Variants in TACR1 observed in about 807,000 individuals in gnomAD.
TACR1 encodes tachykinin receptor 1, also known as substance-P receptor.
Under a neutral mutation model 35.8 loss-of-function variants are expected in TACR1, and 25 were observed. The ratio of observed to expected loss-of-function variants is 0.70; its 90% CI spans 0.51 to 0.98. The LOEUF (loss-of-function observed/expected upper bound fraction) is 0.98. Ranked by LOEUF, TACR1 falls within the 50% of genes least tolerant of loss-of-function variation. The probability of loss-of-function intolerance (pLI) is 0.00; values close to 1 mark genes in which losing one functional copy is unlikely to be tolerated. For missense variants in TACR1, 478 were observed against 522.9 expected, an observed-to-expected ratio of 0.91 and a Z score of 0.84; for synonymous variants, 195 against 206.7, an observed-to-expected ratio of 0.94 and a Z score of 0.48.
At chr2:75,157,000 C>T (rs1548976) in intron 1 of TACR1, among the ~76,000 whole-genome samples, 75,929 of 151,940 alleles carry the variant, frequency 0.5, 20,403 homozygotes, top group Admixed American at 0.68. Context: ...AGATGGGAGT[C>T]GGGGCTGGGT....
intron 1 of TACR1, among the ~76,000 whole-genome samples, chr2:75,141,835 T>C (rs1674414196): frequency 6.6e-6 from 1 of 152,198 alleles, no homozygotes; most frequent in Non-Finnish European, 1.5e-5. Flanking sequence ...GACTGGGCTT[T>C]AGTAGACTCT....
intron 2 of TACR1, among the ~76,000 whole-genome samples, chr2:75,108,977 C>G (rs926641603): frequency 6.6e-6 from 1 of 152,126 alleles, no homozygotes; most frequent in African/African-American, 2.4e-5. Context: ...CAGGAGGTCA[C>G]CCACTGGCCA....
intron 2 of TACR1, among the ~76,000 whole-genome samples, chr2:75,086,782 A>G (rs1673196591): frequency 6.6e-6 from 1 of 152,148 alleles, no homozygotes; most frequent in Non-Finnish European, 1.5e-5. Context: ...AAGAGAGAGA[A>G]TGTTTAATTC....
intron 1 of TACR1, among the ~76,000 whole-genome samples, chr2:75,174,648 C>A (rs1675370361): frequency 1.3e-5 from 2 of 152,174 alleles, no homozygotes; most frequent in Non-Finnish European, 2.9e-5. Context: ...ATTGTAATAG[C>A]AAATGGTTGC....
At chr2:75,155,498 C>G (rs1406979478) in intron 1 of TACR1, among the ~76,000 whole-genome samples, 2 of 151,906 alleles carry the variant, frequency 1.3e-5, no homozygotes, top group Non-Finnish European at 2.9e-5. Context: ...TCAACCCCCA[C>G]CTGAGTATCA....
intron 1 of TACR1, among the ~76,000 whole-genome samples, chr2:75,139,852 G>A (rs1223349351): frequency 6.6e-6 from 1 of 152,180 alleles, no homozygotes; most frequent in East Asian, 1.9e-4. Flanking sequence ...GGCGTGAGAG[G>A]AGCACTGGAA....
At chr2:75,131,206 A>C (rs1308339033) in intron 1 of TACR1, among the ~76,000 whole-genome samples, 1 of 151,698 alleles carries the variant, frequency 6.6e-6, no homozygotes, top group East Asian at 1.9e-4. Context: ...CTCCTGTCTC[A>C]GCCTCTCGAG....
chr2:75,047,624 G>A lies in TACR1; in HGVS notation c.*1808C>T, dbSNP rs1198389989. 6.6e-6 allele frequency: 1 copy of A among 152,128 alleles called. No individual in the cohort carries two copies. Among genetic ancestry groups the A allele is most frequent in the African/African-American group, 2.4e-5 (1 of 41,434 alleles). The allele number at this position is 152,128 out of a possible 1,614,324, so 9.4% of individuals were successfully genotyped here. A position where few individuals can be genotyped will look rare whatever the true frequency, so the allele number is the denominator to read the frequency against. On this transcript the variant is annotated 3_prime_UTR_variant, in exon 5 of 5. Coordinates refer to ENST00000305249, the MANE Select transcript of TACR1 (RefSeq NM_001058.4). Reference sequence around the variant, plus strand: ...ATTCTCTATTGGAAGTATGACTAATGCTTAGGGCACTAACTTTTGTTGCTT... The same window carrying A: ...ATTCTCTATTGGAAGTATGACTAATACTTAGGGCACTAACTTTTGTTGCTT...
rs116552637 is a variant in TACR1, at chr2:75,061,569, G to A, written c.585-7814C>T. Reference sequence around the variant, plus strand: ...CACCCAGTCTTCCCTGGGTTATAGCGACACGAGTACATGTCCCATCTTTCT... The same window carrying A: ...CACCCAGTCTTCCCTGGGTTATAGCAACACGAGTACATGTCCCATCTTTCT... On this transcript the variant is annotated intron_variant, in intron 2 of 4. Coordinates refer to ENST00000305249, the MANE Select transcript of TACR1 (RefSeq NM_001058.4). 9.0e-3 allele frequency among the ~76,000 whole-genome samples: 1,369 copies of A among 152,226 alleles called. 14 individuals carry two copies. The highest frequency in any genetic ancestry group is 0.031 in the African/African-American group (1,293 of 41,524).
At chr2:75,175,785 G>A (rs1433059850) in intron 1 of TACR1, among the ~76,000 whole-genome samples, 1 of 152,046 alleles carries the variant, frequency 6.6e-6, no homozygotes, top group Admixed American at 6.6e-5. Context: ...AAGTGACATA[G>A]TCACACATTC....
At chr2:75,108,512 T>C (rs1408016474) in intron 2 of TACR1, among the ~76,000 whole-genome samples, 1 of 152,208 alleles carries the variant, frequency 6.6e-6, no homozygotes, top group East Asian at 1.9e-4. Flanking sequence ...TCATTGAACA[T>C]TGAACTTAAT....
chr2:75,055,918 A>G (rs148383162), intron 2 of TACR1, among the ~76,000 whole-genome samples: 6 of 152,248 alleles, frequency 3.9e-5, no homozygotes, highest in African/African-American at 1.4e-4. Context: ...TCAGACTTTG[A>G]GAAACATTGT....
chr2:75,156,354 G>GC (rs1674853792), intron 1 of TACR1: 1 of 151,076 alleles, frequency 6.6e-6, no homozygotes, highest in South Asian at 2.1e-4. Flanking sequence ...GGTGGCTCAT[G>GC]CCTGTAATCC....
intron 2 of TACR1, among the ~76,000 whole-genome samples, chr2:75,118,067 A>G (rs928047096): frequency 5.9e-5 from 9 of 152,188 alleles, no homozygotes; most frequent in Non-Finnish European, 8.8e-5. Flanking sequence ...ACACTCTTCT[A>G]ATTATTATAC....
intron 2 of TACR1, among the ~76,000 whole-genome samples, chr2:75,111,576 C>G (rs372847472): frequency 1.3e-5 from 2 of 151,962 alleles, no homozygotes; most frequent in South Asian, 2.1e-4. Flanking sequence ...ATGTCAATAT[C>G]ATACTGGATA....
Position 75,049,343 on chromosome 2 carries a change from T to C in TACR1, c.*89A>G. ...TTGCAAGTCCCAGTGTGAGGGTGTT[T>C]CTGATGGTTCCAGATGAAGGGAATT... On this transcript the variant is annotated 3_prime_UTR_variant, in exon 5 of 5. Coordinates refer to ENST00000305249, the MANE Select transcript of TACR1 (RefSeq NM_001058.4). 7.0e-7 allele frequency: 1 copy of C among 1,435,552 alleles called. No homozygotes were observed. The highest frequency in any genetic ancestry group is 1.3e-5 in the South Asian group (1 of 74,766). The allele number at this position is 1,435,552 out of a possible 1,614,324, so 88.9% of individuals were successfully genotyped here. A position where few individuals can be genotyped will look rare whatever the true frequency, so the allele number is the denominator to read the frequency against.
chr2:75,141,691 T>C (rs916073628), intron 1 of TACR1, among the ~76,000 whole-genome samples: 2 of 152,218 alleles, frequency 1.3e-5, no homozygotes, highest in Non-Finnish European at 2.9e-5. Context: ...TAGGAATAAA[T>C]ACGCAGATGA....
chr2:75,067,105 G>A (rs777308713), intron 2 of TACR1, among the ~76,000 whole-genome samples: 1 of 152,198 alleles, frequency 6.6e-6, no homozygotes, highest in Non-Finnish European at 1.5e-5. Context: ...AGCAGTGGGA[G>A]ATTATGAGAG....
At chr2:75,087,331 A>T (rs1673209035) in intron 2 of TACR1, among the ~76,000 whole-genome samples, 1 of 152,228 alleles carries the variant, frequency 6.6e-6, no homozygotes, top group Admixed American at 6.5e-5. Flanking sequence ...TGACCTGGTA[A>T]CAGATCCAGT....
Sources: gnomAD v4.1 joint callset for allele counts (sites outside exome capture counted in the v4.1 genomes callset) on GRCh38, gnomAD v4.1.1 for gene constraint, MANE v1.5 for transcripts, NCBI Gene and HGNC (gene_info 2026-07-23, HGNC 2026-07-21) for gene names.